DDX31: variants seen among roughly 807,000 people sequenced by gnomAD.
DDX31 encodes the protein ATP-dependent DNA helicase DDX31.
In DDX31, 70 loss-of-function variants were observed where a neutral mutation model predicts 91.3. The observed-to-expected ratio is 0.77, with a 90% CI of 0.63 to 0.94. The LOEUF (loss-of-function observed/expected upper bound fraction) is 0.94. Among genes scored for constraint, DDX31 ranks in the 40% least tolerant of loss-of-function variants. The pLI is 0.00. For synonymous variants in DDX31, 362 were observed against 350.6 expected (o/e 1.03, Z -0.36); for missense variants, 902 against 925.0 (o/e 0.98, Z 0.32).
chr9:132,620,461 T>C (rs1413295049), intron 17 of DDX31, among the ~76,000 whole-genome samples: 1 of 149,158 alleles, frequency 6.7e-6, no homozygotes, highest in Admixed American at 6.7e-5. Flanking sequence ...TGAGTGTGTA[T>C]ACAAGCGAAA....
chr9:132,651,142 T>A (rs758274371), intron 7 of DDX31, 26 bp from the exon 8 acceptor site: 2 of 1,583,274 alleles, frequency 1.3e-6, no homozygotes, highest in Non-Finnish European at 1.7e-6. Flanking sequence ...AAGTTATAGA[T>A]GATGAACAGG....
intron 6 of DDX31, among the ~76,000 whole-genome samples, chr9:132,655,354 T>G (rs1390664838): frequency 2.0e-5 from 3 of 151,964 alleles, no homozygotes; most frequent in Non-Finnish European, 2.9e-5. Context: ...CCAAAACACA[T>G]CAAAGAAACC....
chr9:132,609,387 C>T (rs1831199590), intron 19 of DDX31, among the ~76,000 whole-genome samples: 1 of 152,148 alleles, frequency 6.6e-6, no homozygotes, highest in Admixed American at 6.5e-5. Flanking sequence ...GGGCAGGAGG[C>T]GGCAGGCTGC....
intron 1 of DDX31, among the ~76,000 whole-genome samples, chr9:132,668,088 C>T (rs1835429321): frequency 2.0e-5 from 3 of 152,154 alleles, no homozygotes; most frequent in Admixed American, 2.0e-4. Context: ...GCTCTTCTAT[C>T]CTTCTCCCCG....
chr9:132,606,735 C>A (rs1831048828), intron 19 of DDX31, among the ~76,000 whole-genome samples: 1 of 152,152 alleles, frequency 6.6e-6, no homozygotes. Flanking sequence ...AGGATTCAAT[C>A]CTGGTGTCTG....
intron 14 of DDX31, among the ~76,000 whole-genome samples, chr9:132,639,970 AAC>A (rs1377982219): frequency 6.6e-6 from 1 of 152,190 alleles, no homozygotes; most frequent in African/African-American, 2.4e-5. Flanking sequence ...TCTTTAGAAA[AAC>A]ACACACACTG....
chr9:132,645,692 C>T (rs563550218), intron 13 of DDX31, among the ~76,000 whole-genome samples: 1 of 152,156 alleles, frequency 6.6e-6, no homozygotes, highest in African/African-American at 2.4e-5. Context: ...AATAGACTCC[C>T]CTTGCCCCCA....
chr9:132,669,907 C>T lies in DDX31; in HGVS notation c.28G>A (p.Asp10Asn). 1 of 1,596,766 alleles carries T rather than the reference C, an allele frequency of 6.3e-7. No individual in the cohort carries two copies. Residue 10 changes from aspartate to asparagine, a missense_variant, in exon 1 of 20, where the codon GAC becomes AAC. By Grantham distance (23) the Asp-to-Asn change is conservative. Transcript: ENST00000372159. ...CGTCTGGAGAACGTCCTGGGGTTGTCGAAGAGCGAACCGTCGGCGGCTGCC... is the reference window on the plus strand; with the variant it reads ...CGTCTGGAGAACGTCCTGGGGTTGTTGAAGAGCGAACCGTCGGCGGCTGCC... Reference protein sequence around the residue: MAAADGSLFDNPRTFSRRPP... With the variant: MAAADGSLFNNPRTFSRRPP...
At position 132,630,259 on chromosome 9, in the gene DDX31, C is replaced by G; in HGVS notation, c.1631+5G>C. 4 of 1,572,216 alleles carry G rather than the reference C, an allele frequency of 2.5e-6. No individual in the cohort carries two copies. Among genetic ancestry groups the G allele is most frequent in the Non-Finnish European group, 3.5e-6 (4 of 1,148,230 alleles). ...GCCGAAACCCCATTCAGGTTTCTGA[C>G]TCACTTGATTTTGTGAGAAGCCAAC... On this transcript the variant is annotated splice_donor_5th_base_variant and intron_variant, in intron 16 of 19. Transcript: ENST00000372159.
intron 17 of DDX31, among the ~76,000 whole-genome samples, chr9:132,618,771 T>C (rs1180947370): frequency 6.6e-6 from 1 of 152,258 alleles, no homozygotes; most frequent in Non-Finnish European, 1.5e-5. Flanking sequence ...AAAACATCAC[T>C]GAACATGAGC....
chr9:132,669,981 A>G lies in DDX31; in HGVS notation c.-47T>C. On this transcript the variant is annotated 5_prime_UTR_variant, in exon 1 of 20. Coordinates refer to ENST00000372159, the MANE Select transcript of DDX31 (RefSeq NM_022779.9). ...GTGCAGCAGCGAGCCCGGTGCGCAGACTGCTGGGCCCGGGACCCCACGTGG... is the reference window on the plus strand; with the variant it reads ...GTGCAGCAGCGAGCCCGGTGCGCAGGCTGCTGGGCCCGGGACCCCACGTGG... 4 of 1,574,576 alleles carry G rather than the reference A, an allele frequency of 2.5e-6. No homozygotes were observed. In the South Asian group the frequency reaches 3.5e-5, roughly 14 times the overall value.
chr9:132,618,923 A>T (rs569832659), intron 17 of DDX31, among the ~76,000 whole-genome samples: 9 of 152,266 alleles, frequency 5.9e-5, no homozygotes, highest in African/African-American at 2.2e-4. Flanking sequence ...CCATCCTTGA[A>T]TTTCAGAGCA....
chr9:132,606,281 T>C (rs1384465121), intron 19 of DDX31, among the ~76,000 whole-genome samples: 1 of 152,134 alleles, frequency 6.6e-6, no homozygotes, highest in Non-Finnish European at 1.5e-5. Flanking sequence ...TTAAGTGATA[T>C]TAGGGAGGTT....
At chr9:132,647,424 C>A (rs1833908631) in intron 11 of DDX31, among the ~76,000 whole-genome samples, 1 of 152,140 alleles carries the variant, frequency 6.6e-6, no homozygotes, top group South Asian at 2.1e-4. Context: ...CTCTCAGGGC[C>A]TTTATTGTGT....
intron 1 of DDX31, 26 bp downstream of exon 1, chr9:132,669,834 G>C (rs770844775): frequency 5.1e-6 from 8 of 1,554,704 alleles, no homozygotes; most frequent in Non-Finnish European, 6.9e-6. Context: ...GGGTGGGGAC[G>C]GAGCTGAAGC....
intron 15 of DDX31, 117 bp downstream of exon 15, chr9:132,631,924 T>C (rs868737499): frequency 3.2e-6 from 3 of 926,266 alleles, no homozygotes; most frequent in African/African-American, 3.3e-5. Context: ...GTTTGCTGCC[T>C]GGTTACCAGG....
intron 17 of DDX31, among the ~76,000 whole-genome samples, chr9:132,621,590 G>T (rs1459119905): frequency 6.6e-6 from 1 of 152,186 alleles, no homozygotes. Flanking sequence ...GCACTGTAAT[G>T]AGGTGTCTGG....
At position 132,654,817 on chromosome 9, in the gene DDX31, G is replaced by A. The variant is rs111896949; in HGVS notation, c.589-2325C>T. Among the ~76,000 whole-genome samples, 1,088 of 150,956 alleles carry A rather than the reference G, an allele frequency of 7.2e-3. 16 individuals carry two copies. The highest frequency in any genetic ancestry group is 0.025 in the African/African-American group (1,035 of 41,070). ...AAAAATTAGGCGGGCGTGGTGGTAG[G>A]CATCTGTAATCCCAGCTGCTTGGGA... is the stretch of plus-strand genomic sequence containing the variant. On this transcript the variant is annotated intron_variant, in intron 6 of 19. Transcript: ENST00000372159.
intron 14 of DDX31, 111 bp from the exon 15 acceptor site, chr9:132,632,202 C>T (rs143929125): frequency 4.2e-6 from 3 of 710,822 alleles, no homozygotes; most frequent in East Asian, 4.5e-5. Context: ...GCCCACAGTA[C>T]ATGCACATTC....
Sources: allele counts gnomAD v4.1 joint callset (sites outside exome capture counted in the v4.1 genomes callset), GRCh38; gene constraint gnomAD v4.1.1; transcripts MANE v1.5; gene names NCBI Gene and HGNC (gene_info 2026-07-23, HGNC 2026-07-21).